The following DPYSL2 variants were observed in gnomAD, a reference collection of about 807,000 sequenced individuals.
The protein encoded by DPYSL2 is dihydropyrimidinase like 2, also known as dihydropyrimidinase-related protein 2.
In DPYSL2, 13 loss-of-function variants were observed where a neutral mutation model predicts 69.9. The ratio of observed to expected loss-of-function variants is 0.19; its 90% confidence interval spans 0.12 to 0.30. DPYSL2 has a LOEUF of 0.30. DPYSL2 is among the 10% of genes least tolerant of loss of function. The pLI, the probability that DPYSL2 is intolerant of heterozygous loss-of-function variation, is 1.00. For synonymous variants in DPYSL2, 326 were observed against 359.1 expected, an observed-to-expected ratio of 0.91 and a Z score of 1.04; for missense variants, 587 against 918.9, an observed-to-expected ratio of 0.64 and a Z score of 4.67.
intron 1 of DPYSL2, among the ~76,000 whole-genome samples, chr8:26,536,985 G>C (rs529335144): frequency 6.4e-4 from 97 of 152,254 alleles, no homozygotes; most frequent in African/African-American, 2.2e-3. Context: ...TACTGAATCT[G>C]ACACTTCCTT....
Position 26,591,755 on chromosome 8 carries a change from T to C in DPYSL2, c.628+7772T>C, listed in dbSNP as rs1451109049. On this transcript the variant is annotated intron_variant, in intron 3 of 13. Coordinates refer to ENST00000521913, the MANE Select transcript of DPYSL2 (RefSeq NM_001197293.3). The surrounding 1 kb of genome is among the most constrained non-coding windows in gnomAD (Gnocchi z 5.8). ...AGTCCAGATCCTCTCCGCTTTCTCT[T>C]TGTCATCCCCCCATGGCAGCCCCTC... Among the ~76,000 whole-genome samples the C allele has an allele frequency of 1.3e-5, 2 of 152,166 alleles. No individual in the cohort carries two copies.
intron 1 of DPYSL2, chr8:26,577,929 T>G (rs1801393878): frequency 5.1e-6 from 6 of 1,184,834 alleles, no homozygotes; most frequent in Non-Finnish European, 6.3e-6. Context: ...GGTGGCCGAC[T>G]TGAACCGAGG....
At chr8:26,521,626 C>G (rs1297710217) in intron 1 of DPYSL2, among the ~76,000 whole-genome samples, 2 of 152,110 alleles carry the variant, frequency 1.3e-5, no homozygotes, top group African/African-American at 4.8e-5. Flanking sequence ...TTTTCATCAC[C>G]CCTCCAAAAG....
intron 3 of DPYSL2, among the ~76,000 whole-genome samples, chr8:26,595,220 T>TA (rs946260526): frequency 5.3e-5 from 8 of 150,626 alleles, no homozygotes; most frequent in African/African-American, 1.5e-4. Flanking sequence ...GACCCCATCT[T>TA]AAAAAAAAAG....
intron 1 of DPYSL2, among the ~76,000 whole-genome samples, chr8:26,530,199 T>C (rs1378149176): frequency 6.6e-6 from 1 of 151,218 alleles, no homozygotes; most frequent in Non-Finnish European, 1.5e-5. Flanking sequence ...TACAACTCTG[T>C]TCACTAAATC....
rs1802607059 is a variant in DPYSL2, at chr8:26,626,121, A to G, written c.794-496A>G. ...TTGCAACTGGCTTATTTCATTTACCATGATGTCCTTAAGGTTTCTCCATGT... is the reference window on the plus strand; with the variant it reads ...TTGCAACTGGCTTATTTCATTTACCGTGATGTCCTTAAGGTTTCTCCATGT... On this transcript the variant is annotated intron_variant, in intron 4 of 13. Coordinates refer to ENST00000521913, the MANE Select transcript of DPYSL2 (RefSeq NM_001197293.3). The surrounding 1 kb of genome is among the most constrained non-coding windows in gnomAD (Gnocchi z 4.3). Among the ~76,000 whole-genome samples, 1 of 152,184 alleles carries G rather than the reference A, an allele frequency of 6.6e-6. No homozygotes were observed. Among genetic ancestry groups the G allele is most frequent in the Non-Finnish European group, 1.5e-5 (1 of 68,038 alleles).
chr8:26,646,027 G>A (rs1462629951), intron 10 of DPYSL2, among the ~76,000 whole-genome samples: 5 of 150,758 alleles, frequency 3.3e-5, no homozygotes. Context: ...CACCATGCCC[G>A]GCTAATTTTG....
At position 26,537,088 on chromosome 8, in the gene DPYSL2, G is replaced by T. The variant is rs534715556; in HGVS notation, c.354+22409G>T. Among the ~76,000 whole-genome samples, 6 of 152,130 alleles carry T rather than the reference G, an allele frequency of 3.9e-5. No individual in the cohort carries two copies. The South Asian group carries it at 1.2e-3, about 32-fold the overall frequency. ...CCTTAAAAATTTGATTTTCTGATGA[G>T]TGACTTAAATAGATTAGTTTATGGC... On this transcript the variant is annotated intron_variant, in intron 1 of 13. Transcript: ENST00000521913.
intron 1 of DPYSL2, among the ~76,000 whole-genome samples, chr8:26,556,018 A>C (rs1419574494): frequency 6.6e-5 from 7 of 106,666 alleles, no homozygotes; most frequent in Non-Finnish European, 1.2e-4. Flanking sequence ...TTATATATAT[A>C]AATATATATA....
Position 26,643,344 on chromosome 8 carries a change from A to C in DPYSL2, c.1127-95A>C. 7.4e-7 allele frequency: 1 copy of C among 1,349,270 alleles called. No individual in the cohort carries two copies. The highest frequency in any genetic ancestry group is 1.0e-6 in the Non-Finnish European group (1 of 988,214). 83.6% of individuals were successfully genotyped at this position (1,349,270 alleles called of 1,614,324 possible). ...TTTCCTATAAAGGGATAGTGAGTGC[A>C]CTGGGTGCTGCTGGGCAGGCAGTGG... On this transcript the variant is annotated intron_variant, in intron 8 of 13. Coordinates refer to ENST00000521913, the MANE Select transcript of DPYSL2 (RefSeq NM_001197293.3). This position sits in a 1 kb window ranked among gnomAD's most constrained non-coding sequence, Gnocchi z 6.5.
chr8:26,603,451 G>A (rs144076730), intron 3 of DPYSL2, among the ~76,000 whole-genome samples: 3,769 of 152,284 alleles, frequency 0.025, 70 homozygotes, highest in South Asian at 0.038. Context: ...GATTACAGGC[G>A]TGAGCCACCG....
chr8:26,604,883 C>T (rs1585540240), intron 3 of DPYSL2, among the ~76,000 whole-genome samples: 1 of 152,070 alleles, frequency 6.6e-6, no homozygotes, highest in African/African-American at 2.4e-5. Flanking sequence ...CCAGGCTGGT[C>T]TCCTGACCTC....
Position 26,627,619 on chromosome 8 carries a change from A to G in DPYSL2, c.937-253A>G, listed in dbSNP as rs1426219554. The stretch of plus-strand genomic sequence containing the variant: ...ATTTTACACCGTGGCTGAGGGTTGC[A>G]AATGCACCAGTCGTCAGCATCCCAG... On this transcript the variant is annotated intron_variant, in intron 6 of 13. Transcript: ENST00000521913. This position sits in a 1 kb window ranked among gnomAD's most constrained non-coding sequence, Gnocchi z 6.9. Among the ~76,000 whole-genome samples, 2 of 152,188 alleles carry G rather than the reference A, an allele frequency of 1.3e-5. No individual in the cohort carries two copies. Among genetic ancestry groups the G allele is most frequent in the Non-Finnish European group, 2.9e-5 (2 of 68,030 alleles).
chr8:26,643,306 GA>G lies in DPYSL2; in HGVS notation c.1127-132del. The stretch of plus-strand genomic sequence containing the variant: ...CAAGTCTCAGTTTCCTCATCTGCGA[GA>G]TGAGCCTGATATTTCCTATAAAGGG... On this transcript the variant is annotated intron_variant, in intron 8 of 13. Coordinates refer to ENST00000521913, the MANE Select transcript of DPYSL2 (RefSeq NM_001197293.3). The surrounding 1 kb of genome is among the most constrained non-coding windows in gnomAD (Gnocchi z 6.5). 1.0e-6 allele frequency: 1 copy of G among 974,494 alleles called. No individual in the cohort carries two copies. The highest frequency in any genetic ancestry group is 1.5e-6 in the Non-Finnish European group (1 of 677,322). 60.4% of individuals were successfully genotyped at this position (974,494 alleles called of 1,614,324 possible). A position where few individuals can be genotyped will look rare whatever the true frequency, so the allele number is the denominator to read the frequency against.
In DPYSL2 at chr8:26,587,909, G is replaced by C. The variant is rs986555499; in HGVS notation, c.628+3926G>C. Among the ~76,000 whole-genome samples, 1 of 152,194 alleles carries C rather than the reference G, an allele frequency of 6.6e-6. No homozygotes were observed. The highest frequency in any genetic ancestry group is 1.5e-5 in the Non-Finnish European group (1 of 68,044). On this transcript the variant is annotated intron_variant, in intron 3 of 13. Transcript: ENST00000521913. The surrounding 1 kb of genome is among the most constrained non-coding windows in gnomAD (Gnocchi z 4.2). ...ATAGAGGGGAAGACTGAGGCCGGAA[G>C]GACAGACACGACTTGCCAACACTTA...
chr8:26,600,464 G>T (rs1801965166), intron 3 of DPYSL2, among the ~76,000 whole-genome samples: 1 of 152,166 alleles, frequency 6.6e-6, no homozygotes, highest in Admixed American at 6.5e-5. Context: ...ACTTGCTATT[G>T]TCTGTCGTTT....
At chr8:26,646,676 C>A (rs1428820008) in intron 10 of DPYSL2, among the ~76,000 whole-genome samples, 3 of 152,064 alleles carry the variant, frequency 2.0e-5, no homozygotes, top group Non-Finnish European at 2.9e-5. Context: ...GGGGCGGAGA[C>A]TTCTAGGTTG....
At position 26,514,279 on chromosome 8, in the gene DPYSL2, G is replaced by T; in HGVS notation, c.-47G>T. The stretch of plus-strand genomic sequence containing the variant: ...CACAGCGAGGGAGACTTAGGGACTG[G>T]CAGACGGACGGACGGACGGCGAGGA... On this transcript the variant is annotated 5_prime_UTR_variant, in exon 1 of 14. Coordinates refer to ENST00000521913, the MANE Select transcript of DPYSL2 (RefSeq NM_001197293.3). This position sits in a 1 kb window ranked among gnomAD's most constrained non-coding sequence, Gnocchi z 8.4. 1 of 1,405,950 alleles carries T rather than the reference G, an allele frequency of 7.1e-7. No homozygotes were observed. Among genetic ancestry groups the T allele is most frequent in the Non-Finnish European group, 9.3e-7 (1 of 1,078,428 alleles). The allele number at this position is 1,405,950 out of a possible 1,614,324, so 87.1% of individuals were successfully genotyped here.
intron 8 of DPYSL2, among the ~76,000 whole-genome samples, chr8:26,635,250 G>C (rs182057911): frequency 2.8e-4 from 43 of 152,308 alleles, no homozygotes; most frequent in Admixed American, 7.8e-4. Flanking sequence ...CAGAATCCTT[G>C]GTCACATCAT....
Sources: allele counts gnomAD v4.1 joint callset (sites outside exome capture counted in the v4.1 genomes callset), GRCh38; gene constraint gnomAD v4.1.1; non-coding constraint Gnocchi (gnomAD v3.1); transcripts MANE v1.5; gene names NCBI Gene and HGNC (gene_info 2026-07-23, HGNC 2026-07-21).